Variants in CDK5RAP2 observed in about 807,000 individuals in gnomAD.
CDK5RAP2 encodes the protein CDK5 regulatory subunit associated protein 2, also known as CDK5 regulatory subunit-associated protein 2.
A neutral mutation model predicts 232.9 loss-of-function variants in CDK5RAP2; 147 were observed. The ratio of observed to expected loss-of-function variants is 0.63; its 90% CI spans 0.55 to 0.72. The LOEUF (loss-of-function observed/expected upper bound fraction) is 0.72, where lower values mean the gene tolerates loss of function less well. CDK5RAP2 is among the 30% of genes least tolerant of loss of function. The probability of loss-of-function intolerance (pLI) is 0.00; values close to 1 mark genes in which losing one functional copy is unlikely to be tolerated. For missense variants in CDK5RAP2, 2,195 were observed against 2,231.5 expected, an observed-to-expected ratio of 0.98 and a Z score of 0.33; for synonymous variants, 833 against 833.7, an observed-to-expected ratio of 1.00 and a Z score of 0.01.
In CDK5RAP2 at chr9:120,568,188, C is replaced by T. The variant is rs112448228; in HGVS notation, c.195+133G>A. 1,459 of 767,586 alleles carry T rather than the reference C, an allele frequency of 1.9e-3. 11 individuals are homozygous for T. The African/African-American group carries it at 0.021, about 11-fold the overall frequency. 47.5% of individuals were successfully genotyped at this position (767,586 alleles called of 1,614,324 possible). A position where few individuals can be genotyped will look rare whatever the true frequency, so the allele number is the denominator to read the frequency against. On this transcript the variant is annotated intron_variant, in intron 3 of 37. Transcript: ENST00000349780. ...ACGTAAAAGTCTCACAGAAGATGTC[C>T]ATGAGACATGGCACCCCCCTGCCTC... is the stretch of plus-strand genomic sequence containing the variant.
chr9:120,513,611 AG>A (rs1202996688), intron 12 of CDK5RAP2, among the ~76,000 whole-genome samples: 1 of 152,192 alleles, frequency 6.6e-6, no homozygotes, highest in Non-Finnish European at 1.5e-5. Context: ...CCAGTTCAAA[AG>A]TTACTTTCCC....
Position 120,415,139 on chromosome 9 carries a change from G to T in CDK5RAP2, c.4198C>A (p.Gln1400Lys). The change falls in exon 28 of 38, where the codon CAG (glutamine) becomes AAG (lysine). Residue 1400 changes from glutamine (Q) to lysine (K), a missense_variant. Gln to Lys is a moderately conservative substitution (Grantham distance 53, BLOSUM62 1). Transcript: ENST00000349780. ...CGCTTTCTCAAAGTTCGAATTTCCTGTATGTGTTCCATTAGTAAGTCTACA... is the reference window on the plus strand; with the variant it reads ...CGCTTTCTCAAAGTTCGAATTTCCTTTATGTGTTCCATTAGTAAGTCTACA... ...FSQDLLMEHIQEIRTLRKRLE... is the reference protein window; with the variant it reads ...FSQDLLMEHIKEIRTLRKRLE... 6.2e-7 allele frequency: 1 copy of T among 1,614,076 alleles called. No homozygotes were observed. Among genetic ancestry groups the T allele is most frequent in the Non-Finnish European group, 8.5e-7 (1 of 1,179,950 alleles).
At chr9:120,427,259 C>G in intron 25 of CDK5RAP2, among the ~76,000 whole-genome samples, 1 of 152,074 alleles carries the variant, frequency 6.6e-6, no homozygotes, top group East Asian at 1.9e-4. Flanking sequence ...AGCCAATGAG[C>G]TTAAAAAACA....
At chr9:120,518,752 A>T in intron 11 of CDK5RAP2, 107 bp from the exon 12 acceptor site, 1 of 817,230 alleles carries the variant, frequency 1.2e-6, no homozygotes, top group Non-Finnish European at 2.0e-6. Context: ...GAAAAGAAAA[A>T]GATTAACATA....
chr9:120,546,273 G>A (rs775635987), intron 4 of CDK5RAP2, among the ~76,000 whole-genome samples: 4 of 152,146 alleles, frequency 2.6e-5, no homozygotes, highest in Non-Finnish European at 5.9e-5. Flanking sequence ...ACCACATCAT[G>A]GCATGTGTCA....
chr9:120,436,128 T>C (rs558222525), intron 25 of CDK5RAP2, among the ~76,000 whole-genome samples: 1 of 152,314 alleles, frequency 6.6e-6, no homozygotes, highest in African/African-American at 2.4e-5. Context: ...AAAGTTAATA[T>C]CACCAAAAAC....
intron 12 of CDK5RAP2, among the ~76,000 whole-genome samples, chr9:120,509,603 A>G (rs1381287415): frequency 1.3e-5 from 2 of 152,238 alleles, no homozygotes; most frequent in African/African-American, 4.8e-5. Context: ...ACTATTCCAA[A>G]GATGGCCACT....
intron 20 of CDK5RAP2, among the ~76,000 whole-genome samples, chr9:120,457,050 A>T (rs980258148): frequency 6.6e-6 from 1 of 152,214 alleles, no homozygotes; most frequent in Non-Finnish European, 1.5e-5. Context: ...AGAGGAACTC[A>T]CATTTCCTAA....
intron 1 of CDK5RAP2, among the ~76,000 whole-genome samples, chr9:120,578,365 T>C (rs573149870): frequency 9.3e-4 from 142 of 152,254 alleles, no homozygotes; most frequent in African/African-American, 3.3e-3. Context: ...TCCCAATATA[T>C]TGGGGCAGTG....
intron 11 of CDK5RAP2, among the ~76,000 whole-genome samples, chr9:120,521,499 T>C (rs997260500): frequency 6.6e-6 from 1 of 152,154 alleles, no homozygotes; most frequent in Non-Finnish European, 1.5e-5. Context: ...TCACAAGTTC[T>C]GATGGTCTTA....
intron 5 of CDK5RAP2, among the ~76,000 whole-genome samples, chr9:120,540,160 G>T (rs76128809): frequency 5.1e-4 from 77 of 152,270 alleles, no homozygotes; most frequent in African/African-American, 1.6e-3. Context: ...GCCCAAATCA[G>T]ACGCAGGACT....
At chr9:120,568,741 C>T (rs1024797959) in intron 2 of CDK5RAP2, among the ~76,000 whole-genome samples, 2 of 152,110 alleles carry the variant, frequency 1.3e-5, no homozygotes, top group African/African-American at 4.8e-5. Flanking sequence ...CAACAAAGCA[C>T]ATCTAACTGA....
At chr9:120,456,872 A>C (rs147433167) in intron 20 of CDK5RAP2, among the ~76,000 whole-genome samples, 1 of 152,364 alleles carries the variant, frequency 6.6e-6, no homozygotes, top group East Asian at 1.9e-4. Context: ...GGTGCTACTA[A>C]ATAAAATACT....
In CDK5RAP2 at chr9:120,460,596, G is replaced by A. The variant is rs758811463; in HGVS notation, c.2178C>T (p.Asp726=). 4.0e-5 allele frequency: 65 copies of A among 1,614,108 alleles called. No homozygotes were observed. In the South Asian group the frequency reaches 7.0e-4, roughly 17 times the overall value. Residue 726 remains aspartate (D), a synonymous_variant, in exon 19 of 38, where the codon GAC becomes GAT. Coordinates refer to ENST00000349780, the MANE Select transcript of CDK5RAP2 (RefSeq NM_018249.6). ...GEDDEINFLS[D]QHLQQSNEIM... ...CCTCATTACTCTGCTGCAAATGCTGGTCACTCAGGAAATTAATCTCGTCAT... is the reference window on the plus strand; with the variant it reads ...CCTCATTACTCTGCTGCAAATGCTGATCACTCAGGAAATTAATCTCGTCAT...
In CDK5RAP2 at chr9:120,470,115, T is replaced by C. The variant is rs1206122662; in HGVS notation, c.1964A>G (p.Lys655Arg). 6.7e-7 allele frequency: 1 copy of C among 1,490,690 alleles called. No individual in the cohort carries two copies. The highest frequency in any genetic ancestry group is 9.3e-7 in the Non-Finnish European group (1 of 1,071,562). 92.3% of individuals were successfully genotyped at this position (1,490,690 alleles called of 1,614,324 possible). A position where few individuals can be genotyped will look rare whatever the true frequency, so the allele number is the denominator to read the frequency against. The change falls in exon 17 of 38, where the codon AAA (lysine) becomes AGA (arginine). Residue 655 changes from lysine (K) to arginine (R), a missense_variant. Coordinates refer to ENST00000349780, the MANE Select transcript of CDK5RAP2 (RefSeq NM_018249.6). ...TAAAAATTAATAGGTCAATACCTTT[T>C]TCTTAAGTTCTTCTTGAGAAAAATG... ...VEHFSQEELK[K>R]KVSDLIQLVK...
Position 120,419,942 on chromosome 9 carries a change from T to G in CDK5RAP2, c.4023A>C (p.Leu1341Phe). 1.9e-6 allele frequency: 3 copies of G among 1,613,864 alleles called. No individual in the cohort carries two copies. The highest frequency in any genetic ancestry group is 2.5e-6 in the Non-Finnish European group (3 of 1,179,758). ...ELMERIEEDN[L>F]TYQHLLPESP... is the part of the protein sequence containing the mutation. The stretch of plus-strand genomic sequence containing the variant: ...ATTCAGGCAGAAGATGTTGGTAGGT[T>G]AAGTTGTCTTCCTCAATCCTTAACC... Residue 1341 changes from leucine to phenylalanine, a missense_variant, in exon 27 of 38, where the codon TTA becomes TTC. By Grantham distance (22) the Leu-to-Phe change is conservative (BLOSUM62 0). Coordinates refer to ENST00000349780, the MANE Select transcript of CDK5RAP2 (RefSeq NM_018249.6).
chr9:120,569,009 C>T (rs1459431840), intron 2 of CDK5RAP2, among the ~76,000 whole-genome samples: 1 of 152,218 alleles, frequency 6.6e-6, no homozygotes, highest in Non-Finnish European at 1.5e-5. Flanking sequence ...GCATCTTTAA[C>T]TGAACAAACA....
chr9:120,458,719 A>C (rs1949244098), intron 19 of CDK5RAP2, 97 bp from the exon 20 acceptor site: 3 of 1,120,362 alleles, frequency 2.7e-6, no homozygotes, highest in South Asian at 2.5e-5. Context: ...GAGTAAGTGA[A>C]AATAAGCCAG....
Position 120,389,746 on chromosome 9 carries a change from G to A in CDK5RAP2, c.5620C>T (p.Leu1874=). The change falls in exon 37 of 38, where the codon CTG becomes TTG. Residue 1874 remains leucine (L), a synonymous_variant. Coordinates refer to ENST00000349780, the MANE Select transcript of CDK5RAP2 (RefSeq NM_018249.6). ...HKILRKARGN[L]ELRPGGAHPG... ...AAAAGACTCAAAGGGCATACCTCCAGGTTTCCTCTGGCCTTCCGAAGGATT... is the reference window on the plus strand; with the variant it reads ...AAAAGACTCAAAGGGCATACCTCCAAGTTTCCTCTGGCCTTCCGAAGGATT... 1 of 1,614,130 alleles carries A rather than the reference G, an allele frequency of 6.2e-7. No homozygotes were observed. Among genetic ancestry groups the A allele is most frequent in the East Asian group, 2.2e-5 (1 of 44,886 alleles).
Sources: allele counts gnomAD v4.1 joint callset (sites outside exome capture counted in the v4.1 genomes callset), GRCh38; gene constraint gnomAD v4.1.1; transcripts MANE v1.5; gene names NCBI Gene and HGNC (gene_info 2026-07-23, HGNC 2026-07-21).